NCKAP5: variants seen among roughly 807,000 people sequenced by gnomAD.
NCKAP5 encodes NCK associated protein 5.
NCKAP5 carries 92 observed loss-of-function variants against 167.0 expected under a neutral mutation model. The observed-to-expected ratio is 0.55, with a 90% CI of 0.47 to 0.66. The LOEUF is 0.66. Ranked by LOEUF, NCKAP5 falls within the 30% of genes least tolerant of loss-of-function variation. The pLI, the probability that NCKAP5 is intolerant of heterozygous loss-of-function variation, is 0.00. For missense variants in NCKAP5, 2,378 were observed against 2,315.0 expected (o/e 1.03, Z -0.56); for synonymous variants, 891 against 877.4 (o/e 1.02, Z -0.27).
chr2:133,358,046 CCTT>C (rs1684857045), intron 3 of NCKAP5, among the ~76,000 whole-genome samples: 1 of 152,178 alleles, frequency 6.6e-6, no homozygotes, highest in South Asian at 2.1e-4. Context: ...CCTTGTGACT[CCTT>C]CTCCCATTAA....
chr2:133,136,868 G>A (rs997616070), intron 5 of NCKAP5, among the ~76,000 whole-genome samples: 4 of 152,116 alleles, frequency 2.6e-5, no homozygotes, highest in Admixed American at 6.6e-5. Flanking sequence ...AACATCCAAT[G>A]TGCACTCAAA....
chr2:133,262,956 C>G (rs575810744), intron 4 of NCKAP5, among the ~76,000 whole-genome samples: 1 of 152,176 alleles, frequency 6.6e-6, no homozygotes, highest in Non-Finnish European at 1.5e-5. Context: ...GTGCTCTTAA[C>G]TTTCCCTGCT....
rs143731124 is a variant in NCKAP5, at chr2:133,298,289, T to G, written c.143+4748A>C. 1.2e-3 allele frequency among the ~76,000 whole-genome samples: 181 copies of G among 152,310 alleles called. 2 individuals are homozygous for G. The East Asian group carries it at 0.028, about 24-fold the overall frequency. ...ATACCACCCATTTCCATCTTCTCAA[T>G]GGAATTATTCTGACTATCCAAGTGT... is the stretch of plus-strand genomic sequence containing the variant. On this transcript the variant is annotated intron_variant, in intron 4 of 19. Transcript: ENST00000409261.
chr2:132,862,652 C>G (rs190202542), intron 10 of NCKAP5, among the ~76,000 whole-genome samples: 1 of 151,222 alleles, frequency 6.6e-6, no homozygotes, highest in South Asian at 2.1e-4. Context: ...CCCAGCTACT[C>G]GGGAGGCTGA....
chr2:133,061,155 C>T (rs1329521292), intron 6 of NCKAP5, among the ~76,000 whole-genome samples: 4 of 151,774 alleles, frequency 2.6e-5, no homozygotes, highest in African/African-American at 9.7e-5. Flanking sequence ...TTTGATTTTA[C>T]ATTGGATTCA....
chr2:132,709,060 C>T (rs1444869150), intron 19 of NCKAP5, among the ~76,000 whole-genome samples: 1 of 151,990 alleles, frequency 6.6e-6, no homozygotes, highest in Non-Finnish European at 1.5e-5. Context: ...GATCTTATAT[C>T]CAGTCACCTT....
Position 132,972,056 on chromosome 2 carries a change from A to G in NCKAP5, c.430-8187T>C, listed in dbSNP as rs181555888. 1.6e-3 allele frequency among the ~76,000 whole-genome samples: 246 copies of G among 152,324 alleles called. 3 individuals carry two copies. The highest frequency in any genetic ancestry group is 0.014 in the Admixed American group (217 of 15,300). ...TATTAACAAGTAAAATGAACAGATAATTAATCATCCAAAGCAACATTCCCT... is the reference window on the plus strand; with the variant it reads ...TATTAACAAGTAAAATGAACAGATAGTTAATCATCCAAAGCAACATTCCCT... On this transcript the variant is annotated intron_variant, in intron 7 of 19. Transcript: ENST00000409261.
intron 4 of NCKAP5, among the ~76,000 whole-genome samples, chr2:133,246,053 T>C (rs533960602): frequency 1.4e-4 from 21 of 152,180 alleles, no homozygotes; most frequent in Non-Finnish European, 2.1e-4. Context: ...AAAGGCCTCA[T>C]GGAAGAGACG....
chr2:133,527,060 G>A (rs1207651312), intron 2 of NCKAP5: 2 of 151,852 alleles, frequency 1.3e-5, no homozygotes, highest in African/African-American at 4.8e-5. Flanking sequence ...TTCTGTTCAA[G>A]CTTACTTTTT....
At chr2:133,603,081 C>A in the NCKAP5 span, among the ~76,000 whole-genome samples, 1 of 152,038 alleles carries the variant, frequency 6.6e-6, no homozygotes, top group Non-Finnish European at 1.5e-5. Flanking sequence ...TATCGGATAG[C>A]CAAAAAGTTA....
intron 3 of NCKAP5, among the ~76,000 whole-genome samples, chr2:133,436,702 C>G (rs574983535): frequency 1.3e-5 from 2 of 152,276 alleles, no homozygotes; most frequent in East Asian, 3.9e-4. Flanking sequence ...CGGCGTCGCC[C>G]TTCTAGGAAA....
intron 9 of NCKAP5, among the ~76,000 whole-genome samples, chr2:132,869,436 T>C (rs189928768): frequency 1.6e-4 from 24 of 152,320 alleles, no homozygotes; most frequent in African/African-American, 5.3e-4. Context: ...TGGTCTAGCA[T>C]AGGGACAACT....
At chr2:132,702,389 G>A (rs752539114) in intron 19 of NCKAP5, among the ~76,000 whole-genome samples, 1 of 152,056 alleles carries the variant, frequency 6.6e-6, no homozygotes, top group Non-Finnish European at 1.5e-5. Flanking sequence ...GATATTTTAG[G>A]TGATCAGTTG....
Position 132,783,921 on chromosome 2 carries a change from T to G in NCKAP5, c.2890A>C (p.Thr964Pro). Reference protein sequence around the residue: ...TKSETRVPSETARTPFKSPLL... With the variant: ...TKSETRVPSEPARTPFKSPLL... ...GGGGATTTGAATGGGGTCCTTGCTG[T>G]TTCACTGGGGACCCTGGTTTCGGAC... Residue 964 changes from threonine (T) to proline (P), a missense_variant, in exon 14 of 20, where the codon ACA becomes CCA. Transcript: ENST00000409261. The G allele has an allele frequency of 1.9e-6, 3 of 1,566,550 alleles. No individual in the cohort carries two copies. Among genetic ancestry groups the G allele is most frequent in the Non-Finnish European group, 2.6e-6 (3 of 1,161,098 alleles).
At chr2:133,277,396 A>G (rs1011941053) in intron 4 of NCKAP5, among the ~76,000 whole-genome samples, 2 of 152,176 alleles carry the variant, frequency 1.3e-5, no homozygotes, top group Non-Finnish European at 2.9e-5. Flanking sequence ...ATACTGATAG[A>G]GAAAACCTCA....
intron 6 of NCKAP5, among the ~76,000 whole-genome samples, chr2:133,028,686 T>C (rs1458949662): frequency 6.6e-6 from 1 of 152,210 alleles, no homozygotes; most frequent in Non-Finnish European, 1.5e-5. Context: ...AATTTCTTTT[T>C]AGATTTTGAT....
chr2:132,894,696 G>C (rs1461037877), intron 8 of NCKAP5, among the ~76,000 whole-genome samples: 1 of 152,168 alleles, frequency 6.6e-6, no homozygotes, highest in African/African-American at 2.4e-5. Flanking sequence ...CATTTAATTT[G>C]ATCATCAGGC....
chr2:132,989,742 C>CTG (rs2077397002), intron 7 of NCKAP5, among the ~76,000 whole-genome samples: 1 of 152,166 alleles, frequency 6.6e-6, no homozygotes. Context: ...AAATATTCCA[C>CTG]AGATAACTGC....
chr2:132,685,005 G>C (rs1314287408), intron 19 of NCKAP5, among the ~76,000 whole-genome samples: 1 of 152,196 alleles, frequency 6.6e-6, no homozygotes, highest in Admixed American at 6.5e-5. Flanking sequence ...TCACAGCAGA[G>C]CTAAAAATGT....
Sources: gnomAD v4.1 joint callset for allele counts (sites outside exome capture counted in the v4.1 genomes callset) on GRCh38, gnomAD v4.1.1 for gene constraint, MANE v1.5 for transcripts, NCBI Gene and HGNC (gene_info 2026-07-23, HGNC 2026-07-21) for gene names.